The following PRAMEF11 variants were observed in gnomAD, a reference collection of about 807,000 sequenced individuals.
PRAMEF11 encodes PRAME family member 11.
A neutral mutation model predicts 33.6 loss-of-function variants in PRAMEF11; 17 were observed. The ratio of observed to expected loss-of-function variants is 0.51; its 90% CI spans 0.35 to 0.76. PRAMEF11 has a LOEUF of 0.76. Ranked by LOEUF, PRAMEF11 falls within the 30% of genes least tolerant of loss-of-function variation. The pLI is 0.01. For synonymous variants in PRAMEF11, 205 were observed against 227.3 expected, an observed-to-expected ratio of 0.90 and a Z score of 0.88; for missense variants, 568 against 567.0, an observed-to-expected ratio of 1.00 and a Z score of -0.02.
chr1:12,828,930 C>T (rs565038412), intron 1 of PRAMEF11, 125 bp from the exon 2 acceptor site: 1 of 1,359,494 alleles, frequency 7.4e-7, no homozygotes, highest in Admixed American at 2.0e-5. Context: ...TACTCCAATT[C>T]TACTCTGTAC....
intron 2 of PRAMEF11, 146 bp from the exon 3 acceptor site, chr1:12,827,976 C>T: frequency 4.9e-6 from 7 of 1,426,138 alleles, no homozygotes; most frequent in Non-Finnish European, 6.6e-6. Context: ...GGATCCTACC[C>T]ACTTCCACAT....
In PRAMEF11 at chr1:12,827,581, G is replaced by A. The variant is rs777397825; in HGVS notation, c.543C>T (p.His181=). 2.5e-6 allele frequency: 4 copies of A among 1,609,640 alleles called. 1 individual carries two copies. The highest frequency in any genetic ancestry group is 3.4e-6 in the Non-Finnish European group (4 of 1,177,730). The change falls in exon 3 of 4, where the codon CAC becomes CAT. Residue 181 remains histidine, a synonymous_variant. Coordinates refer to ENST00000619922, the MANE Select transcript of PRAMEF11 (RefSeq NM_001146344.3). ...AAATTTTCAGCTTCTTACAGCACAGGTGTAGTAAATCTCTCCTCTGCTTGA... is the reference window on the plus strand; with the variant it reads ...AAATTTTCAGCTTCTTACAGCACAGATGTAGTAAATCTCTCCTCTGCTTGA... ...LWVKQRRDLL[H]LCCKKLKILG...
intron 1 of PRAMEF11, among the ~76,000 whole-genome samples, chr1:12,830,820 C>G (rs1639989622): frequency 6.6e-6 from 1 of 150,584 alleles, no homozygotes; most frequent in Admixed American, 6.7e-5. Flanking sequence ...GAAACCCCAC[C>G]TCTACTAAAA....
intron 1 of PRAMEF11, among the ~76,000 whole-genome samples, chr1:12,830,219 C>G (rs1639976644): frequency 6.6e-6 from 1 of 151,420 alleles, no homozygotes; most frequent in Admixed American, 6.6e-5. Context: ...TTTTCAAAGA[C>G]AGAGATGACA....
In PRAMEF11 at chr1:12,828,770, A is replaced by G. The variant is rs76312011; in HGVS notation, c.20T>C (p.Ile7Thr). Residue 7 changes from isoleucine (I) to threonine (T), a missense_variant, in exon 2 of 4, where the codon ATT becomes ACT. Around this residue, in one of 3 missense-constraint regions of PRAMEF11, gnomAD observed 342 missense variants for 312.0 expected, o/e 1.10. Coordinates refer to ENST00000619922, the MANE Select transcript of PRAMEF11 (RefSeq NM_001146344.3). MKMSIR[I>T]PPRLLELAGR... ...CGCAAGCTCCAGGAGTCTGGGTGGA[A>G]TCCGGATGCTCATCTTCATGAATCT... 1.1e-3 allele frequency: 1,642 copies of G among 1,561,192 alleles called. 100 individuals are homozygous for G. The highest frequency in any genetic ancestry group is 2.2e-3 in the South Asian group (195 of 87,326).
chr1:12,828,381 C>A, intron 2 of PRAMEF11, 116 bp downstream of exon 2: 1 of 1,431,694 alleles, frequency 7.0e-7, no homozygotes, highest in Non-Finnish European at 9.5e-7. Flanking sequence ...ATGGCCAAGT[C>A]CTCTCGGCTT....
In PRAMEF11 at chr1:12,830,426, T is replaced by C. The variant is rs555541364; in HGVS notation, c.-17+930A>G. ...CTTCAGCCTTCCACGTAGCTGGGAC[T>C]ACAGGCATGCACCCCCCACAGCCAT... On this transcript the variant is annotated intron_variant, in intron 1 of 3. Coordinates refer to ENST00000619922, the MANE Select transcript of PRAMEF11 (RefSeq NM_001146344.3). Among the ~76,000 whole-genome samples the C allele has an allele frequency of 2.9e-3, 438 of 151,476 alleles. 17 individuals carry two copies. Among genetic ancestry groups the C allele is most frequent in the African/African-American group, 0.01 (424 of 41,422 alleles).
rs1438432972 is a variant in PRAMEF11, at chr1:12,828,763, G to C, written c.27C>G (p.Pro9=). MKMSIRIP[P]RLLELAGRSL... ...TCCGCCCCGCAAGCTCCAGGAGTCT[G>C]GGTGGAATCCGGATGCTCATCTTCA... The change falls in exon 2 of 4, where the codon CCC becomes CCG. Residue 9 remains proline, a synonymous_variant. Coordinates refer to ENST00000619922, the MANE Select transcript of PRAMEF11 (RefSeq NM_001146344.3). 7 of 1,609,746 alleles carry C rather than the reference G, an allele frequency of 4.3e-6. No homozygotes were observed. The highest frequency in any genetic ancestry group is 1.8e-4 in the Middle Eastern group (1 of 5,544).
chr1:12,829,739 G>T (rs1301812857), intron 1 of PRAMEF11, among the ~76,000 whole-genome samples: 1 of 150,982 alleles, frequency 6.6e-6, no homozygotes, highest in Non-Finnish European at 1.5e-5. Context: ...GAGATGCAGT[G>T]GTCTCCGCCT....
At chr1:12,828,137 CA>C (rs1372528008) in intron 2 of PRAMEF11, among the ~76,000 whole-genome samples, 1 of 149,790 alleles carries the variant, frequency 6.7e-6, no homozygotes. Flanking sequence ...AGGAACCCAC[CA>C]CCATGCCCAG....
rs1639857562 is a variant in PRAMEF11, at chr1:12,825,996, A to C, written c.876-493T>G. On this transcript the variant is annotated intron_variant, in intron 3 of 3. Transcript: ENST00000619922. ...TAAAAAAAAAAAAAGGAGAAAAAAT[A>C]ATTCCATTTCAGGCTGAGTCATTTC... 2.0e-5 allele frequency among the ~76,000 whole-genome samples: 3 copies of C among 150,122 alleles called. No homozygotes were observed. In the South Asian group the frequency reaches 6.5e-4, roughly 33 times the overall value.
At chr1:12,828,846 G>A (rs899838430) in intron 1 of PRAMEF11, 41 bp from the exon 2 acceptor site, 1 of 1,598,692 alleles carries the variant, frequency 6.3e-7, no homozygotes, top group Non-Finnish European at 8.5e-7. Flanking sequence ...TCACTCTCAG[G>A]CCAAGCCCAT....
In PRAMEF11 at chr1:12,825,361, G is replaced by A. The variant is rs747133259; in HGVS notation, c.1018C>T (p.Leu340Phe). The change falls in exon 4 of 4, where the codon CTT (leucine) becomes TTT (phenylalanine). Residue 340 changes from leucine to phenylalanine, a missense_variant. Around this residue, in one of 3 missense-constraint regions of PRAMEF11, gnomAD observed 52 missense variants for 127.8 expected, o/e 0.41. Coordinates refer to ENST00000619922, the MANE Select transcript of PRAMEF11 (RefSeq NM_001146344.3). ...TCTAGGAGAATTTGGAGAGGCACAA[G>A]ACTGTAATTGGTCAGTCTGATGCCA... is the stretch of plus-strand genomic sequence containing the variant. ...LSGIRLTNYS[L>F]VPLQILLEKV... The A allele has an allele frequency of 6.4e-7, 1 of 1,551,154 alleles. No individual in the cohort carries two copies. Among genetic ancestry groups the A allele is most frequent in the African/African-American group, 1.4e-5 (1 of 70,720 alleles).
intron 2 of PRAMEF11, among the ~76,000 whole-genome samples, 168 bp downstream of exon 2, chr1:12,828,329 G>T (rs1304833547): frequency 6.7e-6 from 1 of 148,642 alleles, no homozygotes; most frequent in Non-Finnish European, 1.5e-5. Flanking sequence ...TACCTCTATG[G>T]ACCTTGCCTG....
At chr1:12,829,019 C>G (rs61777009) in intron 1 of PRAMEF11, among the ~76,000 whole-genome samples, 1 of 151,640 alleles carries the variant, frequency 6.6e-6, no homozygotes, top group African/African-American at 2.4e-5. Context: ...GCAGGGCCAC[C>G]ACGAGCCCTT....
In PRAMEF11 at chr1:12,827,645, C is replaced by T; in HGVS notation, c.479G>A (p.Arg160Lys). 1 of 1,609,614 alleles carries T rather than the reference C, an allele frequency of 6.2e-7. No homozygotes were observed. Among genetic ancestry groups the T allele is most frequent in the Middle Eastern group, 1.7e-4 (1 of 6,032 alleles). Reference protein sequence around the residue: ...TVFVELWLKNRTLDEYLTCLL... With the variant: ...TVFVELWLKNKTLDEYLTCLL... ...GCAGGTGAGGTATTCATCCAGAGTC[C>T]TGTTCTTGAGCCAAAGTTCTACAAA... is the stretch of plus-strand genomic sequence containing the variant. The change falls in exon 3 of 4, where the codon AGG becomes AAG. Residue 160 changes from arginine (R) to lysine (K), a missense_variant. Transcript: ENST00000619922.
intron 3 of PRAMEF11, 27 bp downstream of exon 3, chr1:12,827,222 C>A (rs747929901): frequency 9.0e-6 from 14 of 1,559,182 alleles, no homozygotes; most frequent in Middle Eastern, 2.2e-4. Context: ...CTGTGGTCTG[C>A]AGAGAAAGCT....
In PRAMEF11 at chr1:12,824,757, T is replaced by A. The variant is rs2486711; in HGVS notation, c.*185A>T. 43 of 928,024 alleles carry A rather than the reference T, an allele frequency of 4.6e-5. 1 individual carries two copies. In the East Asian group the frequency reaches 1.2e-3, roughly 26 times the overall value. 57.5% of individuals were successfully genotyped at this position (928,024 alleles called of 1,614,324 possible). A position where few individuals can be genotyped will look rare whatever the true frequency, so the allele number is the denominator to read the frequency against. ...AGGATACAGGTTCCCAAAGTCCCAT[T>A]GAATCCATGGCAACATTTCCCCCAA... is the stretch of plus-strand genomic sequence containing the variant. On this transcript the variant is annotated 3_prime_UTR_variant, in exon 4 of 4. Transcript: ENST00000619922.
chr1:12,824,750 G>T lies in PRAMEF11; in HGVS notation c.*192C>A. ...ACTCTACAGGATACAGGTTCCCAAA[G>T]TCCCATTGAATCCATGGCAACATTT... On this transcript the variant is annotated 3_prime_UTR_variant, in exon 4 of 4. Transcript: ENST00000619922. 1.1e-6 allele frequency: 1 copy of T among 880,750 alleles called. No individual in the cohort carries two copies. Among genetic ancestry groups the T allele is most frequent in the Non-Finnish European group, 1.7e-6 (1 of 586,958 alleles). 54.6% of individuals were successfully genotyped at this position (880,750 alleles called of 1,614,324 possible). A position where few individuals can be genotyped will look rare whatever the true frequency, so the allele number is the denominator to read the frequency against.
Sources: allele counts gnomAD v4.1 joint callset (sites outside exome capture counted in the v4.1 genomes callset), GRCh38; gene constraint gnomAD v4.1.1; regional missense constraint gnomAD v4.1.1; transcripts MANE v1.5; gene names NCBI Gene and HGNC (gene_info 2026-07-23, HGNC 2026-07-21).